The following THSD7B variants were observed in gnomAD, a reference collection of about 807,000 sequenced individuals.
THSD7B encodes the protein thrombospondin type 1 domain containing 7B.
Under a neutral mutation model 213.6 loss-of-function variants are expected in THSD7B, and 138 were observed. The observed-to-expected ratio is 0.65, with a 90% CI of 0.56 to 0.74. The LOEUF (loss-of-function observed/expected upper bound fraction) is 0.74, where lower values mean the gene tolerates loss of function less well. Ranked by LOEUF, THSD7B falls within the 30% of genes least tolerant of loss-of-function variation. The probability of loss-of-function intolerance (pLI) is 0.00; values close to 1 mark genes in which losing one functional copy is unlikely to be tolerated. For missense variants in THSD7B, 1,931 were observed against 1,991.5 expected, an observed-to-expected ratio of 0.97 and a Z score of 0.58; for synonymous variants, 742 against 687.0, an observed-to-expected ratio of 1.08 and a Z score of -1.25.
chr2:137,059,438 T>TAA (rs1320195819), intron 3 of THSD7B, among the ~76,000 whole-genome samples: 2 of 152,122 alleles, frequency 1.3e-5, no homozygotes. Flanking sequence ...TTCTATTGGT[T>TAA]TGACAAATGA....
intron 15 of THSD7B, among the ~76,000 whole-genome samples, chr2:137,504,130 C>T (rs555689005): frequency 6.6e-6 from 1 of 152,144 alleles, no homozygotes; most frequent in Admixed American, 6.5e-5. Flanking sequence ...ATAGCTTTCC[C>T]TCTAATTACC....
At chr2:137,288,716 A>G (rs146729047) in intron 12 of THSD7B, among the ~76,000 whole-genome samples, 85 of 152,200 alleles carry the variant, frequency 5.6e-4, no homozygotes, top group African/African-American at 2.0e-3. Context: ...AATAATTGAC[A>G]TAAAAATGCA....
At chr2:136,804,425 CA>C (rs1682248663) in intron 1 of THSD7B, among the ~76,000 whole-genome samples, 1 of 151,832 alleles carries the variant, frequency 6.6e-6, no homozygotes, top group East Asian at 1.9e-4. Flanking sequence ...CACACACACA[CA>C]CACACACACA....
chr2:137,565,668 CCTT>C (rs1681223058), intron 16 of THSD7B, among the ~76,000 whole-genome samples: 1 of 152,120 alleles, frequency 6.6e-6, no homozygotes, highest in Non-Finnish European at 1.5e-5. Context: ...GAATTTATGT[CCTT>C]CTCACTTGGT....
chr2:136,804,437 CA>C (rs1329110361), intron 1 of THSD7B, among the ~76,000 whole-genome samples: 11 of 148,528 alleles, frequency 7.4e-5, no homozygotes, highest in South Asian at 2.1e-4. Flanking sequence ...CACACACACA[CA>C]CCCTTACCCT....
chr2:137,266,647 A>T (rs1682596626), intron 10 of THSD7B, among the ~76,000 whole-genome samples: 1 of 152,208 alleles, frequency 6.6e-6, no homozygotes, highest in Non-Finnish European at 1.5e-5. Context: ...GTTAATTTTT[A>T]AAATCTGTTA....
chr2:137,061,050 A>G (rs1361001398), intron 3 of THSD7B, among the ~76,000 whole-genome samples: 1 of 151,786 alleles, frequency 6.6e-6, no homozygotes, highest in Non-Finnish European at 1.5e-5. Context: ...TTTAAAAAAA[A>G]TATATCTTGT....
chr2:137,572,671 AT>A, intron 17 of THSD7B, 115 bp downstream of exon 17: 1 of 1,242,518 alleles, frequency 8.0e-7, no homozygotes, highest in Non-Finnish European at 1.1e-6. Context: ...TGGGAAAATA[AT>A]TTTTTTCTTT....
intron 17 of THSD7B, among the ~76,000 whole-genome samples, chr2:137,572,883 A>T (rs1014362626): frequency 3.3e-5 from 5 of 152,024 alleles, no homozygotes; most frequent in African/African-American, 1.2e-4. Context: ...TCTCCTTATA[A>T]TATATCTTGG....
At chr2:136,876,436 G>A (rs1683527220) in intron 1 of THSD7B, among the ~76,000 whole-genome samples, 1 of 152,074 alleles carries the variant, frequency 6.6e-6, no homozygotes, top group Admixed American at 6.5e-5. Context: ...TAAAATCTTT[G>A]TATCAAATCT....
chr2:137,504,727 C>T (rs2105142399), intron 15 of THSD7B, among the ~76,000 whole-genome samples: 1 of 152,302 alleles, frequency 6.6e-6, no homozygotes, highest in East Asian at 1.9e-4. Context: ...GAGAGTGCTG[C>T]TTTGCTGATG....
intron 5 of THSD7B, among the ~76,000 whole-genome samples, chr2:137,149,550 A>G (rs1679772945): frequency 6.6e-6 from 1 of 152,232 alleles, no homozygotes; most frequent in Non-Finnish European, 1.5e-5. Flanking sequence ...GAGGGCAGCC[A>G]GGAGGCTGGC....
chr2:137,359,208 G>T (rs984290262), intron 12 of THSD7B, among the ~76,000 whole-genome samples: 1 of 152,102 alleles, frequency 6.6e-6, no homozygotes, highest in South Asian at 2.1e-4. Context: ...AAGTAAAATT[G>T]TATCCAACCT....
intron 2 of THSD7B, among the ~76,000 whole-genome samples, chr2:137,006,234 A>T (rs983232426): frequency 6.6e-6 from 1 of 152,126 alleles, no homozygotes; most frequent in Non-Finnish European, 1.5e-5. Context: ...TCTACTAAAA[A>T]ATACAAAAAA....
intron 1 of THSD7B, among the ~76,000 whole-genome samples, chr2:136,816,590 C>A (rs1164165745): frequency 6.6e-6 from 1 of 152,148 alleles, no homozygotes; most frequent in Non-Finnish European, 1.5e-5. Context: ...CAAACTTCAT[C>A]CTTGGTTACA....
At chr2:136,846,553 G>T in intron 1 of THSD7B, among the ~76,000 whole-genome samples, 1 of 152,100 alleles carries the variant, frequency 6.6e-6, no homozygotes, top group East Asian at 1.9e-4. Flanking sequence ...ATCGTTTATG[G>T]ATGCCCTAAT....
chr2:137,383,136 G>T (rs1382553547), intron 12 of THSD7B, among the ~76,000 whole-genome samples: 1 of 152,188 alleles, frequency 6.6e-6, no homozygotes, highest in Non-Finnish European at 1.5e-5. Flanking sequence ...CCCATGTGGG[G>T]CCAAGCCATG....
chr2:137,465,250 TA>T (rs1189104584), intron 15 of THSD7B, among the ~76,000 whole-genome samples: 293 of 137,704 alleles, frequency 2.1e-3, no homozygotes, highest in African/African-American at 4.8e-3. Context: ...TCCCCATTCA[TA>T]AAAAAAAAAA....
At chr2:137,361,416 G>A (rs539104927) in intron 12 of THSD7B, among the ~76,000 whole-genome samples, 9 of 152,036 alleles carry the variant, frequency 5.9e-5, no homozygotes, top group African/African-American at 2.2e-4. Context: ...TCAGAAAGTC[G>A]GTAATGATAA....
Sources: allele counts gnomAD v4.1 joint callset (sites outside exome capture counted in the v4.1 genomes callset), GRCh38; gene constraint gnomAD v4.1.1; transcripts MANE v1.5; gene names NCBI Gene and HGNC (gene_info 2026-07-23, HGNC 2026-07-21).